The following CMC1 variants were observed in gnomAD, a reference collection of about 807,000 sequenced individuals.
The protein encoded by CMC1 is COX assembly mitochondrial protein homolog.
CMC1 carries 14 observed loss-of-function variants against 14.1 expected under a neutral mutation model. The observed-to-expected ratio is 0.99, with a 90% CI of 0.66 to 1.55. The LOEUF is 1.55. Ranked by LOEUF, CMC1 falls within the 40% of genes most tolerant of loss-of-function variation. The probability of loss-of-function intolerance (pLI) is 0.00; values close to 1 mark genes in which losing one functional copy is unlikely to be tolerated. For synonymous variants in CMC1, 50 were observed against 38.4 expected (o/e 1.30, Z -1.12); for missense variants, 127 against 123.8 (o/e 1.03, Z -0.12).
Position 28,320,691 on chromosome 3 carries a change from T to A in CMC1, c.*1062T>A, listed in dbSNP as rs1273596913. 3 of 151,608 alleles carry A rather than the reference T, an allele frequency of 2.0e-5. No individual in the cohort carries two copies. In the East Asian group the frequency reaches 5.8e-4, roughly 29 times the overall value. The allele number at this position is 151,608 out of a possible 1,614,324, so 9.4% of individuals were successfully genotyped here. ...TGTTCTTAACCTGATAACTTGTTAG[T>A]CCTTTAATCTTTCATTTTGAAAAGT... is the stretch of plus-strand genomic sequence containing the variant. On this transcript the variant is annotated 3_prime_UTR_variant, in exon 4 of 4. Coordinates refer to ENST00000466830, the MANE Select transcript of CMC1 (RefSeq NM_182523.2).
At chr3:28,308,594 T>C (rs900346150) in intron 2 of CMC1, among the ~76,000 whole-genome samples, 1 of 152,216 alleles carries the variant, frequency 6.6e-6, no homozygotes, top group African/African-American at 2.4e-5. Context: ...AATTTTATTG[T>C]ATTAAAAATA....
chr3:28,319,029 A>T (rs1703073811), intron 3 of CMC1: 1 of 343,654 alleles, frequency 2.9e-6, no homozygotes, highest in Non-Finnish European at 5.8e-6. Context: ...CTATAGTGGT[A>T]CCTATCTACT....
chr3:28,273,651 T>C (rs1317085418), intron 2 of CMC1, among the ~76,000 whole-genome samples: 1 of 152,186 alleles, frequency 6.6e-6, no homozygotes, highest in Non-Finnish European at 1.5e-5. Context: ...GTCCTGAATA[T>C]CTTTGTTAAT....
At position 28,298,133 on chromosome 3, in the gene CMC1, TGTAGA is replaced by T. The variant is rs1701839821; in HGVS notation, c.110-18192_110-18188del. ...CAGCCTGAGTCTACAGGACTCTACC[TGTAGA>T]GTAGAGTCCTACTCTACAAGTCTTG... On this transcript the variant is annotated intron_variant, in intron 2 of 3. Transcript: ENST00000466830. 2.6e-5 allele frequency: 4 copies of T among 151,594 alleles called. No individual in the cohort carries two copies. The South Asian group carries it at 8.3e-4, about 31-fold the overall frequency. The allele number at this position is 151,594 out of a possible 1,614,324, so 9.4% of individuals were successfully genotyped here.
chr3:28,284,565 G>T (rs1046157906), intron 2 of CMC1, among the ~76,000 whole-genome samples: 4 of 152,170 alleles, frequency 2.6e-5, no homozygotes, highest in African/African-American at 9.7e-5. Context: ...CCAAGGTTGA[G>T]AAATAATGGA....
intron 1 of CMC1, among the ~76,000 whole-genome samples, chr3:28,244,781 G>C (rs1698723598): frequency 6.6e-6 from 1 of 151,850 alleles, no homozygotes; most frequent in Non-Finnish European, 1.5e-5. Context: ...GTCAGCAGCT[G>C]GGTGGAAGGT....
intron 2 of CMC1, among the ~76,000 whole-genome samples, chr3:28,295,853 A>G (rs962865440): frequency 6.6e-6 from 1 of 152,092 alleles, no homozygotes; most frequent in African/African-American, 2.4e-5. Flanking sequence ...GGCTGTGGAT[A>G]TGGAACCCAC....
chr3:28,313,357 T>TTAAG (rs1479133586), intron 2 of CMC1, among the ~76,000 whole-genome samples: 1 of 152,192 alleles, frequency 6.6e-6, no homozygotes, highest in Non-Finnish European at 1.5e-5. Flanking sequence ...TCTTTTGTAT[T>TTAAG]ATCTTAAGAT....
Position 28,300,658 on chromosome 3 carries a change from C to CCTCCCTTTCT in CMC1, c.110-15666_110-15665insTCTCCCTTTC, listed in dbSNP as rs1422625263. ...CCCTTTCCCTCCCTCCATCCCTTTC[C>CCTCCCTTTCT]CTCCCTTTCCCTCCCTTTCCCTCCC... On this transcript the variant is annotated intron_variant, in intron 2 of 3. Coordinates refer to ENST00000466830, the MANE Select transcript of CMC1 (RefSeq NM_182523.2). 1.1e-3 allele frequency among the ~76,000 whole-genome samples: 101 copies of CCTCCCTTTCT among 92,088 alleles called. 2 individuals carry two copies. Among genetic ancestry groups the CCTCCCTTTCT allele is most frequent in the African/African-American group, 5.5e-3 (90 of 16,396 alleles). 60.4% of individuals were successfully genotyped at this position (92,088 alleles called of 152,430 possible). A position where few individuals can be genotyped will look rare whatever the true frequency, so the allele number is the denominator to read the frequency against.
rs1465206201 is a variant in CMC1 at position 28,314,360 on chromosome 3, G to T, written c.110-1973G>T. 3.3e-5 allele frequency among the ~76,000 whole-genome samples: 5 copies of T among 152,304 alleles called. No homozygotes were observed. The East Asian group carries it at 9.7e-4, about 29-fold the overall frequency. ...TCTGCTTTGCCTTTTGAGTGTTAGA[G>T]AGTCCTTAGTCAAAGGGCACAAAGA... is the stretch of plus-strand genomic sequence containing the variant. On this transcript the variant is annotated intron_variant, in intron 2 of 3. Coordinates refer to ENST00000466830, the MANE Select transcript of CMC1 (RefSeq NM_182523.2).
At chr3:28,299,471 T>C (rs1701911080) in intron 2 of CMC1, among the ~76,000 whole-genome samples, 4 of 152,088 alleles carry the variant, frequency 2.6e-5, no homozygotes, top group Admixed American at 1.3e-4. Flanking sequence ...ATCAAATAGC[T>C]CATGCACTAC....
rs1230790306 is a variant in CMC1, at chr3:28,284,620, C to T, written c.109+21240C>T. ...GTCTCCTTAAAGCAGCCCATAGCAACAAACCATATAGATTTTGCTCATTTG... is the reference window on the plus strand; with the variant it reads ...GTCTCCTTAAAGCAGCCCATAGCAATAAACCATATAGATTTTGCTCATTTG... On this transcript the variant is annotated intron_variant, in intron 2 of 3. Transcript: ENST00000466830. Among the ~76,000 whole-genome samples, 5 of 152,146 alleles carry T rather than the reference C, an allele frequency of 3.3e-5. 1 individual carries two copies. Among genetic ancestry groups the T allele is most frequent in the Admixed American group, 2.0e-4 (3 of 15,278 alleles).
chr3:28,265,133 C>G (rs1038640678), intron 2 of CMC1, among the ~76,000 whole-genome samples: 2 of 151,976 alleles, frequency 1.3e-5, no homozygotes, highest in African/African-American at 4.8e-5. Flanking sequence ...AATATACTTA[C>G]GGTTTCTGAA....
chr3:28,280,978 C>T (rs1181526487), intron 2 of CMC1, among the ~76,000 whole-genome samples: 127 of 152,328 alleles, frequency 8.3e-4, no homozygotes, highest in Admixed American at 8.3e-3. Flanking sequence ...TTTCACACTA[C>T]AGCAGTAGAG....
intron 3 of CMC1, chr3:28,317,857 A>T (rs965185149): frequency 2.0e-5 from 3 of 151,902 alleles, no homozygotes; most frequent in Non-Finnish European, 4.4e-5. Flanking sequence ...ATTTGTTATT[A>T]TTTATCTGAA....
At chr3:28,266,493 A>G (rs760555959) in intron 2 of CMC1, among the ~76,000 whole-genome samples, 1 of 151,892 alleles carries the variant, frequency 6.6e-6, no homozygotes, top group Non-Finnish European at 1.5e-5. Context: ...AAATAAACAC[A>G]AAAGTATATG....
chr3:28,246,291 A>C (rs188374280), intron 1 of CMC1, among the ~76,000 whole-genome samples: 40 of 152,270 alleles, frequency 2.6e-4, no homozygotes, highest in Admixed American at 6.5e-4. Flanking sequence ...CAACTCTCTG[A>C]TGGTTGCTCT....
intron 1 of CMC1, among the ~76,000 whole-genome samples, chr3:28,261,681 C>T (rs1699742459): frequency 6.6e-6 from 1 of 152,090 alleles, no homozygotes; most frequent in Non-Finnish European, 1.5e-5. Flanking sequence ...TATTGTTTTA[C>T]ATCACTAAAT....
chr3:28,294,513 T>G (rs1310414969), intron 2 of CMC1: 1 of 920,302 alleles, frequency 1.1e-6, no homozygotes, highest in African/African-American at 1.8e-5. Flanking sequence ...CGAACTTATA[T>G]AGCTACATAA....
Sources: gnomAD v4.1 joint callset for allele counts (sites outside exome capture counted in the v4.1 genomes callset) on GRCh38, gnomAD v4.1.1 for gene constraint, MANE v1.5 for transcripts, NCBI Gene and HGNC (gene_info 2026-07-23, HGNC 2026-07-21) for gene names.